CSMD1: variants seen among roughly 807,000 people sequenced by gnomAD.
CSMD1 encodes the protein CUB and sushi domain-containing protein 1.
CSMD1 carries 213 observed loss-of-function variants against 417.5 expected under a neutral mutation model. The ratio of observed to expected loss-of-function variants is 0.51; its 90% CI spans 0.46 to 0.57. The LOEUF is 0.57. Ranked by LOEUF, CSMD1 falls within the 20% of genes least tolerant of loss-of-function variation. CSMD1 has a pLI of 0.00. For missense variants in CSMD1, 6,923 were observed against 4,529.7 expected (o/e 1.53, Z -15.17); for synonymous variants, 2,862 against 1,736.8 (o/e 1.65, Z -16.11).
chr8:3,785,693 G>T (rs969183613), intron 5 of CSMD1, among the ~76,000 whole-genome samples: 1 of 152,172 alleles, frequency 6.6e-6, no homozygotes, highest in Non-Finnish European at 1.5e-5. Flanking sequence ...TGTGTGCATG[G>T]AGGAGCCACG....
At chr8:3,736,003 C>T (rs895117477) in intron 6 of CSMD1, among the ~76,000 whole-genome samples, 6 of 151,476 alleles carry the variant, frequency 4.0e-5, no homozygotes, top group Admixed American at 6.6e-5. Context: ...GGAATAAGTG[C>T]GGTGGATTAA....
At chr8:4,449,489 A>G (rs1326522670) in intron 2 of CSMD1, among the ~76,000 whole-genome samples, 1 of 152,178 alleles carries the variant, frequency 6.6e-6, no homozygotes, top group Non-Finnish European at 1.5e-5. Flanking sequence ...CTTCAGTGTA[A>G]TATGAAGTTA....
chr8:4,266,529 C>T (rs1804234286), intron 3 of CSMD1, among the ~76,000 whole-genome samples: 1 of 104,644 alleles, frequency 9.6e-6, no homozygotes, highest in African/African-American at 2.6e-5. Flanking sequence ...AGAACAATTT[C>T]ATACTCATGC....
At chr8:3,196,618 T>A (rs992118591) in intron 33 of CSMD1, among the ~76,000 whole-genome samples, 16 of 152,164 alleles carry the variant, frequency 1.1e-4, no homozygotes, top group Middle Eastern at 3.2e-3. Flanking sequence ...CTCAATTCTA[T>A]TTGATTATAT....
chr8:4,152,614 T>C (rs1304634467), intron 3 of CSMD1, among the ~76,000 whole-genome samples: 4 of 151,398 alleles, frequency 2.6e-5, no homozygotes, highest in African/African-American at 4.9e-5. Flanking sequence ...CGTTTGAGCC[T>C]AGGAGGTCAA....
intron 1 of CSMD1, among the ~76,000 whole-genome samples, chr8:4,750,655 G>A (rs913332880): frequency 1.3e-5 from 2 of 151,690 alleles, no homozygotes; most frequent in African/African-American, 4.8e-5. Flanking sequence ...TAAAATTAAA[G>A]GAATCTAGTT....
At chr8:3,832,580 A>G (rs1802439040) in intron 5 of CSMD1, among the ~76,000 whole-genome samples, 1 of 152,192 alleles carries the variant, frequency 6.6e-6, no homozygotes, top group African/African-American at 2.4e-5. Flanking sequence ...ACGTAAAAAA[A>G]CAAAAACAGA....
chr8:4,453,606 C>A (rs544501104), intron 2 of CSMD1, among the ~76,000 whole-genome samples: 2 of 152,202 alleles, frequency 1.3e-5, no homozygotes, highest in Admixed American at 1.3e-4. Flanking sequence ...TGTGAATCGA[C>A]AGCACAGTGC....
At chr8:3,700,370 T>G (rs1485940423) in intron 7 of CSMD1, 3 of 152,200 alleles carry the variant, frequency 2.0e-5, no homozygotes, top group African/African-American at 7.2e-5. Context: ...ACTTTATGTG[T>G]GTGTTTATGA....
At chr8:3,990,500 T>A (rs960104864) in intron 5 of CSMD1, among the ~76,000 whole-genome samples, 2 of 152,186 alleles carry the variant, frequency 1.3e-5, no homozygotes, top group Non-Finnish European at 2.9e-5. Flanking sequence ...GTCTGGACAA[T>A]TTTATGGAAT....
intron 3 of CSMD1, among the ~76,000 whole-genome samples, chr8:4,054,179 C>T (rs1798575325): frequency 6.6e-6 from 1 of 152,160 alleles, no homozygotes; most frequent in South Asian, 2.1e-4. Context: ...CAAGATTTCA[C>T]AGAACGCACG....
intron 7 of CSMD1, among the ~76,000 whole-genome samples, chr8:3,695,461 T>C (rs1800498991): frequency 6.6e-6 from 1 of 152,166 alleles, no homozygotes; most frequent in Admixed American, 6.5e-5. Context: ...TATAAAATCA[T>C]GAGAAATACA....
At chr8:4,180,112 G>A (rs10087334) in intron 3 of CSMD1, among the ~76,000 whole-genome samples, 149,551 of 152,168 alleles carry the variant, frequency 0.98, 73,539 homozygotes, top group Middle Eastern at 1. Context: ...ATGCTGCTAT[G>A]AAGACACATT....
intron 3 of CSMD1, among the ~76,000 whole-genome samples, chr8:4,255,473 T>G (rs1371175808): frequency 2.0e-5 from 3 of 152,218 alleles, no homozygotes; most frequent in Non-Finnish European, 4.4e-5. Flanking sequence ...CTATAAAGAC[T>G]TGTTCATTAT....
At chr8:3,481,541 C>A (rs1817750370) in intron 11 of CSMD1, among the ~76,000 whole-genome samples, 1 of 152,156 alleles carries the variant, frequency 6.6e-6, no homozygotes, top group Non-Finnish European at 1.5e-5. Context: ...ACTCTAATCC[C>A]TCAAATCTGT....
At chr8:3,436,938 G>C (rs1814603596) in intron 12 of CSMD1, among the ~76,000 whole-genome samples, 1 of 152,092 alleles carries the variant, frequency 6.6e-6, no homozygotes, top group Non-Finnish European at 1.5e-5. Context: ...AAAAAAAAGA[G>C]TGTGAAGCTA....
At chr8:3,898,082 T>C (rs753618408) in intron 5 of CSMD1, among the ~76,000 whole-genome samples, 2 of 152,296 alleles carry the variant, frequency 1.3e-5, no homozygotes, top group East Asian at 1.9e-4. Context: ...GAGGGAAATA[T>C]ATTACAATCG....
At chr8:3,536,287 C>T (rs1798195794) in intron 10 of CSMD1, among the ~76,000 whole-genome samples, 1 of 152,200 alleles carries the variant, frequency 6.6e-6, no homozygotes, top group Non-Finnish European at 1.5e-5. Context: ...GCAACTTGTA[C>T]TTAAACTAAT....
At chr8:3,093,795 G>A (rs530045722) in intron 47 of CSMD1, among the ~76,000 whole-genome samples, 11 of 152,156 alleles carry the variant, frequency 7.2e-5, no homozygotes, top group African/African-American at 1.2e-4. Flanking sequence ...TTAAATAATC[G>A]GGCAATGCTG....
Sources: allele counts gnomAD v4.1 joint callset (sites outside exome capture counted in the v4.1 genomes callset), GRCh38; gene constraint gnomAD v4.1.1; transcripts MANE v1.5; gene names NCBI Gene and HGNC (gene_info 2026-07-23, HGNC 2026-07-21).